The following DPYD variants were observed in gnomAD, a reference collection of about 807,000 sequenced individuals.
The protein encoded by DPYD is dihydropyrimidine dehydrogenase, also known as dihydropyrimidine dehydrogenase [NADP(+)].
In DPYD, 109 loss-of-function variants were observed where a neutral mutation model predicts 116.2. The ratio of observed to expected loss-of-function variants is 0.94; its 90% CI spans 0.80 to 1.10. The LOEUF (loss-of-function observed/expected upper bound fraction) is 1.10. Ranked by LOEUF, DPYD falls within the 50% of genes least tolerant of loss-of-function variation. The probability of loss-of-function intolerance (pLI) is 0.00; values close to 1 mark genes in which losing one functional copy is unlikely to be tolerated. For synonymous variants in DPYD, 440 were observed against 432.0 expected (o/e 1.02, Z -0.23); for missense variants, 1,302 against 1,254.5 (o/e 1.04, Z -0.57).
chr1:97,875,928 T>C (rs951682219), intron 2 of DPYD, among the ~76,000 whole-genome samples: 2 of 152,054 alleles, frequency 1.3e-5, no homozygotes, highest in Admixed American at 1.3e-4. Context: ...TTAAAATGTA[T>C]GTATGCCATT....
chr1:97,173,304 A>ACATATATGTG (rs1553227915), intron 20 of DPYD, among the ~76,000 whole-genome samples: 7 of 135,188 alleles, frequency 5.2e-5, no homozygotes, highest in Non-Finnish European at 9.5e-5. Flanking sequence ...ACATATGTAC[A>ACATATATGTG]TATATATGCA....
chr1:97,583,876 A>C (rs1653886819), intron 10 of DPYD, among the ~76,000 whole-genome samples: 1 of 152,142 alleles, frequency 6.6e-6, no homozygotes, highest in African/African-American at 2.4e-5. Context: ...ATAAACATAC[A>C]TGTGCATGTG....
intron 1 of DPYD, among the ~76,000 whole-genome samples, chr1:97,887,495 A>AAAAAT (rs1672563171): frequency 7.0e-6 from 1 of 143,150 alleles, no homozygotes; most frequent in African/African-American, 2.6e-5. Flanking sequence ...AAAAAAAAAA[A>AAAAAT]GTATATCCAG....
chr1:97,311,662 C>A (rs578134963), intron 16 of DPYD, among the ~76,000 whole-genome samples: 1 of 151,766 alleles, frequency 6.6e-6, no homozygotes, highest in South Asian at 2.1e-4. Context: ...TCCATAGTAG[C>A]ACTGTTTGAA....
intron 8 of DPYD, among the ~76,000 whole-genome samples, chr1:97,625,021 C>CT (rs929406222): frequency 9.9e-5 from 15 of 151,640 alleles, no homozygotes; most frequent in African/African-American, 2.7e-4. Flanking sequence ...GTGCTTTTTT[C>CT]TTTTTTTTGA....
chr1:97,399,539 A>T (rs1447175505), intron 14 of DPYD, among the ~76,000 whole-genome samples: 13 of 152,176 alleles, frequency 8.5e-5, no homozygotes, highest in Non-Finnish European at 1.9e-4. Context: ...TACCTTGGGC[A>T]GTATGGCCAT....
intron 13 of DPYD, among the ~76,000 whole-genome samples, chr1:97,476,257 T>G (rs1351293065): frequency 6.6e-6 from 1 of 152,206 alleles, no homozygotes; most frequent in East Asian, 1.9e-4. Flanking sequence ...ATGCTACATT[T>G]CTGGGTTGGA....
At chr1:97,661,256 T>C (rs1010074245) in intron 8 of DPYD, among the ~76,000 whole-genome samples, 20 of 152,182 alleles carry the variant, frequency 1.3e-4, no homozygotes, top group Admixed American at 1.3e-3. Context: ...AGGGTAAACA[T>C]AAATCCCAAG....
intron 16 of DPYD, among the ~76,000 whole-genome samples, chr1:97,350,456 C>A (rs1229079218): frequency 1.3e-5 from 2 of 152,034 alleles, no homozygotes; most frequent in African/African-American, 4.8e-5. Flanking sequence ...TATATTTACT[C>A]CTCCATATAT....
intron 20 of DPYD, among the ~76,000 whole-genome samples, chr1:97,191,794 T>G (rs973695204): frequency 6.6e-6 from 1 of 152,164 alleles, no homozygotes; most frequent in Non-Finnish European, 1.5e-5. Context: ...GATTGTAAAG[T>G]CATTTGTGAA....
intron 16 of DPYD, among the ~76,000 whole-genome samples, chr1:97,331,985 CT>C (rs1372494174): frequency 2.0e-5 from 3 of 152,094 alleles, no homozygotes; most frequent in Non-Finnish European, 4.4e-5. Flanking sequence ...AGAAAGAATG[CT>C]TTATTTCTCT....
chr1:97,289,623 G>T (rs1004751697), intron 18 of DPYD, among the ~76,000 whole-genome samples: 1 of 152,034 alleles, frequency 6.6e-6, no homozygotes, highest in Non-Finnish European at 1.5e-5. Flanking sequence ...AAAGGCCTTT[G>T]ACAAAATTTA....
At chr1:97,273,829 T>C (rs1377792647) in intron 18 of DPYD, among the ~76,000 whole-genome samples, 1 of 152,206 alleles carries the variant, frequency 6.6e-6, no homozygotes, top group African/African-American at 2.4e-5. Flanking sequence ...TATTTCTTGA[T>C]ATCTGTACAA....
At chr1:97,388,303 A>G (rs1409102819) in intron 14 of DPYD, among the ~76,000 whole-genome samples, 1 of 152,112 alleles carries the variant, frequency 6.6e-6, no homozygotes, top group African/African-American at 2.4e-5. Flanking sequence ...TGAAGACATC[A>G]ATTGTGCCAC....
chr1:97,917,150 CAG>C (rs1271791804), intron 1 of DPYD, among the ~76,000 whole-genome samples: 1 of 152,134 alleles, frequency 6.6e-6, no homozygotes, highest in Non-Finnish European at 1.5e-5. Context: ...AAAAGATCTG[CAG>C]TGCCCAGTCA....
intron 3 of DPYD, among the ~76,000 whole-genome samples, chr1:97,783,367 G>A (rs1666860578): frequency 6.6e-6 from 1 of 151,892 alleles, no homozygotes; most frequent in African/African-American, 2.4e-5. Context: ...ATACAGCTTT[G>A]TTATTTTATT....
At chr1:97,667,524 C>G (rs1033734534) in intron 8 of DPYD, among the ~76,000 whole-genome samples, 1 of 152,160 alleles carries the variant, frequency 6.6e-6, no homozygotes, top group East Asian at 1.9e-4. Context: ...TACTTACATC[C>G]ATTAGGATAG....
At chr1:97,704,274 G>T (rs190785516) in intron 5 of DPYD, among the ~76,000 whole-genome samples, 2 of 152,036 alleles carry the variant, frequency 1.3e-5, no homozygotes, top group African/African-American at 4.8e-5. Flanking sequence ...GGGTGAATGG[G>T]GGGTAGTGAT....
At chr1:97,282,107 C>G (rs1665359712) in intron 18 of DPYD, among the ~76,000 whole-genome samples, 1 of 151,872 alleles carries the variant, frequency 6.6e-6, no homozygotes, top group South Asian at 2.1e-4. Context: ...ATTAAACCTA[C>G]ACTGAGGGAT....
Sources: allele counts gnomAD v4.1 joint callset (sites outside exome capture counted in the v4.1 genomes callset), GRCh38; gene constraint gnomAD v4.1.1; transcripts MANE v1.5; gene names NCBI Gene and HGNC (gene_info 2026-07-23, HGNC 2026-07-21).